CSMD1: variants seen among roughly 807,000 people sequenced by gnomAD.
CSMD1 encodes CUB and Sushi multiple domains 1, also known as CUB and sushi domain-containing protein 1.
In CSMD1, 213 loss-of-function variants were observed where a neutral mutation model predicts 417.5. The observed-to-expected ratio is 0.51, with a 90% confidence interval of 0.46 to 0.57. The LOEUF is 0.57. Among genes scored for constraint, CSMD1 ranks in the 20% least tolerant of loss-of-function variants. The pLI, the probability that CSMD1 is intolerant of heterozygous loss-of-function variation, is 0.00. For missense variants in CSMD1, 6,923 were observed against 4,529.7 expected, an observed-to-expected ratio of 1.53 and a Z score of -15.17; for synonymous variants, 2,862 against 1,736.8, an observed-to-expected ratio of 1.65 and a Z score of -16.11.
Position 4,852,460 on chromosome 8 carries a change from G to T in CSMD1, c.85+141872C>A, listed in dbSNP as rs533321869. Among the ~76,000 whole-genome samples, 283 of 152,200 alleles carry T rather than the reference G, an allele frequency of 1.9e-3. 2 individuals are homozygous for T. The highest frequency in any genetic ancestry group is 2.7e-3 in the Non-Finnish European group (182 of 68,002). ...TCACTTCCAACATGATTGAATGCTT[G>T]ATGAGGCCTCACCAGTTGAGGCCTC... On this transcript the variant is annotated intron_variant, in intron 1 of 69. Coordinates refer to ENST00000635120, the MANE Select transcript of CSMD1 (RefSeq NM_033225.6).
intron 12 of CSMD1, among the ~76,000 whole-genome samples, chr8:3,431,835 T>G (rs1814234937): frequency 6.6e-6 from 1 of 152,244 alleles, no homozygotes; most frequent in South Asian, 2.1e-4. Context: ...CATACAATTG[T>G]CATTTCCTAC....
At chr8:4,370,077 T>C (rs1411907587) in intron 3 of CSMD1, among the ~76,000 whole-genome samples, 2 of 151,970 alleles carry the variant, frequency 1.3e-5, no homozygotes, top group Admixed American at 6.6e-5. Context: ...TTTTCGGTGG[T>C]AGTCATTCTT....
chr8:4,797,212 G>A (rs942019671), intron 1 of CSMD1, among the ~76,000 whole-genome samples: 1 of 152,166 alleles, frequency 6.6e-6, no homozygotes, highest in Non-Finnish European at 1.5e-5. Flanking sequence ...AGTAAGGACA[G>A]GTTTCCAATG....
chr8:3,863,242 C>G (rs1264169047), intron 5 of CSMD1, among the ~76,000 whole-genome samples: 1 of 151,956 alleles, frequency 6.6e-6, no homozygotes, highest in African/African-American at 2.4e-5. Flanking sequence ...ACTGAAAATA[C>G]AAAAACTGGC....
intron 12 of CSMD1, among the ~76,000 whole-genome samples, chr8:3,446,256 A>T (rs1815300119): frequency 6.6e-6 from 1 of 152,210 alleles, no homozygotes; most frequent in African/African-American, 2.4e-5. Flanking sequence ...GACTCTCAGA[A>T]ATCGGAAACG....
chr8:4,415,585 G>C (rs565441413), intron 3 of CSMD1, among the ~76,000 whole-genome samples: 2 of 152,140 alleles, frequency 1.3e-5, no homozygotes, highest in Non-Finnish European at 2.9e-5. Flanking sequence ...TGTTCTGTTT[G>C]ATTGTTTCAT....
intron 3 of CSMD1, among the ~76,000 whole-genome samples, chr8:4,312,396 T>C (rs79773134): frequency 0.013 from 1,290 of 98,556 alleles, 225 homozygotes; most frequent in African/African-American, 0.09. Flanking sequence ...TATATATACA[T>C]ACATATATAT....
chr8:3,063,536 C>A (rs539291126), intron 49 of CSMD1, among the ~76,000 whole-genome samples: 1 of 152,242 alleles, frequency 6.6e-6, no homozygotes, highest in Admixed American at 6.5e-5. Flanking sequence ...ACAGTTATGT[C>A]CCTAGTAGCA....
At chr8:3,756,845 G>C (rs1307010753) in intron 5 of CSMD1, among the ~76,000 whole-genome samples, 1 of 151,918 alleles carries the variant, frequency 6.6e-6, no homozygotes, top group Non-Finnish European at 1.5e-5. Context: ...ACGCAGGCTG[G>C]AGTGCAGTGG....
chr8:3,607,710 C>A (rs530223804), intron 8 of CSMD1, among the ~76,000 whole-genome samples: 6 of 152,168 alleles, frequency 3.9e-5, no homozygotes, highest in Non-Finnish European at 7.4e-5. Flanking sequence ...AAAAATTTTA[C>A]GGAGAACTAT....
intron 1 of CSMD1, among the ~76,000 whole-genome samples, chr8:4,895,316 G>A (rs945986387): frequency 6.6e-6 from 1 of 152,062 alleles, no homozygotes; most frequent in Non-Finnish European, 1.5e-5. Flanking sequence ...AGTTGTCTTT[G>A]TTTCTCTCCA....
intron 3 of CSMD1, among the ~76,000 whole-genome samples, chr8:4,088,747 C>T (rs996245848): frequency 6.6e-6 from 1 of 152,092 alleles, no homozygotes; most frequent in Non-Finnish European, 1.5e-5. Flanking sequence ...GGTGAGATCC[C>T]ACCACCATTT....
intron 12 of CSMD1, among the ~76,000 whole-genome samples, chr8:3,421,233 T>G (rs916320117): frequency 1.3e-5 from 2 of 152,176 alleles, no homozygotes; most frequent in Non-Finnish European, 2.9e-5. Flanking sequence ...CATTAAAGTA[T>G]AAAAGGTGGT....
intron 11 of CSMD1, among the ~76,000 whole-genome samples, chr8:3,480,811 TAAAGGG>T (rs1364766063): frequency 6.6e-6 from 1 of 151,940 alleles, no homozygotes; most frequent in Non-Finnish European, 1.5e-5. Context: ...CCTTCAGAAA[TAAAGGG>T]AACTTAAAAA....
chr8:4,186,918 C>A (rs921764573), intron 3 of CSMD1, among the ~76,000 whole-genome samples: 1 of 151,920 alleles, frequency 6.6e-6, no homozygotes, highest in Admixed American at 6.6e-5. Context: ...ATCACCTGAA[C>A]CCACGAGGCA....
At chr8:3,293,001 A>G (rs1019267381) in intron 25 of CSMD1, among the ~76,000 whole-genome samples, 28 of 151,604 alleles carry the variant, frequency 1.8e-4, no homozygotes, top group Non-Finnish European at 3.5e-4. Flanking sequence ...TTCCTTCAGG[A>G]GGTCTTTTAG....
At chr8:3,189,048 T>C in intron 34 of CSMD1, 37 bp from the exon 35 acceptor site, 1 of 1,584,990 alleles carries the variant, frequency 6.3e-7, no homozygotes, top group African/African-American at 1.3e-5. Flanking sequence ...AATAAAGTGC[T>C]GTGGGACAGT....
In CSMD1 at chr8:4,978,762, A is replaced by AC. The variant is rs1222993594; in HGVS notation, c.85+15569dup. Reference sequence around the variant, plus strand: ...AGACCAGCCTGGCCAACACAGTGAAACCCCGTCTCCACTAAAAATACAAAA... The same window carrying AC: ...AGACCAGCCTGGCCAACACAGTGAAACCCCCGTCTCCACTAAAAATACAAAA... On this transcript the variant is annotated intron_variant, in intron 1 of 69. Coordinates refer to ENST00000635120, the MANE Select transcript of CSMD1 (RefSeq NM_033225.6). 3.3e-5 allele frequency among the ~76,000 whole-genome samples: 5 copies of AC among 152,204 alleles called. No individual in the cohort carries two copies. In the East Asian group the frequency reaches 7.8e-4, roughly 24 times the overall value.
chr8:4,075,563 A>C (rs1799777556), intron 3 of CSMD1, among the ~76,000 whole-genome samples: 2 of 152,222 alleles, frequency 1.3e-5, no homozygotes, highest in South Asian at 4.1e-4. Context: ...TAACTGGTAA[A>C]ATATTAAACG....
Sources: allele counts gnomAD v4.1 joint callset (sites outside exome capture counted in the v4.1 genomes callset), GRCh38; gene constraint gnomAD v4.1.1; transcripts MANE v1.5; gene names NCBI Gene and HGNC (gene_info 2026-07-23, HGNC 2026-07-21).